The following CACNA2D1 variants were observed in gnomAD, a reference collection of about 807,000 sequenced individuals.
The protein encoded by CACNA2D1 is calcium voltage-gated channel auxiliary subunit alpha2delta 1.
CACNA2D1 carries 53 observed loss-of-function variants against 171.5 expected under a neutral mutation model. The observed-to-expected ratio is 0.31, with a 90% CI of 0.25 to 0.39. The LOEUF is 0.39. Ranked by LOEUF, CACNA2D1 falls within the 10% of genes least tolerant of loss-of-function variation. The probability of loss-of-function intolerance (pLI) is 1.00; values close to 1 mark genes in which losing one functional copy is unlikely to be tolerated. For missense variants in CACNA2D1, 903 were observed against 1,299.8 expected (o/e 0.69, Z 4.69); for synonymous variants, 442 against 443.1 (o/e 1.00, Z 0.03).
In CACNA2D1 at chr7:82,142,977, C is replaced by A. The variant is rs1352112685; in HGVS notation, c.355-6301G>T. ...CTGTTGTACCTGGGATGAGTTCAACCAACAGCACTGTAACACTGTGTGAAT... is the reference window on the plus strand; with the variant it reads ...CTGTTGTACCTGGGATGAGTTCAACAAACAGCACTGTAACACTGTGTGAAT... On this transcript the variant is annotated intron_variant, in intron 4 of 38. Coordinates refer to ENST00000356860, the MANE Select transcript of CACNA2D1 (RefSeq NM_000722.4). 3.9e-5 allele frequency among the ~76,000 whole-genome samples: 6 copies of A among 152,044 alleles called. No homozygotes were observed. The East Asian group carries it at 9.6e-4, about 24-fold the overall frequency.
chr7:82,123,994 A>G (rs1790041007), intron 5 of CACNA2D1, among the ~76,000 whole-genome samples: 1 of 152,092 alleles, frequency 6.6e-6, no homozygotes, highest in Admixed American at 6.6e-5. Flanking sequence ...ATCCAAACGT[A>G]TCACATCAAA....
chr7:82,302,092 A>C lies in CACNA2D1; in HGVS notation c.294+33043T>G. 1.3e-5 allele frequency among the ~76,000 whole-genome samples: 2 copies of C among 152,216 alleles called. 1 individual carries two copies. Among genetic ancestry groups the C allele is most frequent in the Non-Finnish European group, 2.9e-5 (2 of 68,012 alleles). ...ATATTTTATAGACAGAATATATTTAAATTTTCTTTCCTAAATAATGTTCCA... is the reference window on the plus strand; with the variant it reads ...ATATTTTATAGACAGAATATATTTACATTTTCTTTCCTAAATAATGTTCCA... On this transcript the variant is annotated intron_variant, in intron 3 of 38. Transcript: ENST00000356860.
At chr7:82,376,053 T>C (rs1189370611) in intron 1 of CACNA2D1, among the ~76,000 whole-genome samples, 5 of 152,198 alleles carry the variant, frequency 3.3e-5, no homozygotes, top group African/African-American at 4.8e-5. Flanking sequence ...ATGAGAAGTC[T>C]GTGCTTCTTT....
chr7:82,017,537 T>C (rs1800650970), intron 12 of CACNA2D1, among the ~76,000 whole-genome samples: 1 of 152,124 alleles, frequency 6.6e-6, no homozygotes. Context: ...ACTGCCACCA[T>C]GTGGAATAGT....
At chr7:82,051,693 C>A (rs1002287287) in intron 10 of CACNA2D1, among the ~76,000 whole-genome samples, 2 of 152,154 alleles carry the variant, frequency 1.3e-5, no homozygotes, top group Admixed American at 1.3e-4. Flanking sequence ...CATCATCCTC[C>A]ACTGGCTTGC....
intron 3 of CACNA2D1, among the ~76,000 whole-genome samples, chr7:82,326,465 C>T (rs1816660243): frequency 6.6e-6 from 1 of 152,160 alleles, no homozygotes; most frequent in Admixed American, 6.5e-5. Flanking sequence ...CTTTCATTCT[C>T]CCATGTGCAC....
At chr7:82,057,662 G>A (rs922664139) in intron 10 of CACNA2D1, among the ~76,000 whole-genome samples, 8 of 152,068 alleles carry the variant, frequency 5.3e-5, no homozygotes, top group Admixed American at 2.6e-4. Context: ...GGGAACTTGG[G>A]ATTCGTTCAA....
At chr7:81,992,478 G>A (rs779351652) in intron 20 of CACNA2D1, among the ~76,000 whole-genome samples, 105 of 152,094 alleles carry the variant, frequency 6.9e-4, no homozygotes, top group Non-Finnish European at 8.4e-4. Context: ...ACAGGGTTGT[G>A]AAGAGGGCTT....
chr7:82,124,831 C>T lies in CACNA2D1; in HGVS notation c.397-7658G>A, dbSNP rs145327417. On this transcript the variant is annotated intron_variant, in intron 5 of 38. Transcript: ENST00000356860. ...TCTGATTCTTTCTTCAATAATTAGA[C>T]TTCATCAATGTTTGATACCTAAAAG... 3.3e-3 allele frequency among the ~76,000 whole-genome samples: 503 copies of T among 152,178 alleles called. 6 individuals are homozygous for T. Among genetic ancestry groups the T allele is most frequent in the South Asian group, 0.028 (137 of 4,826 alleles).
Position 81,950,264 on chromosome 7 carries a change from T to A in CACNA2D1, c.*128A>T. On this transcript the variant is annotated 3_prime_UTR_variant, in exon 39 of 39. Transcript: ENST00000356860. ...CTTAGGAGTCTGCGCCTTAGTGTTA[T>A]GCCATGGAACAGGCCCAGCTAATGT... The A allele has an allele frequency of 6.4e-7, 1 of 1,567,764 alleles. No homozygotes were observed. The highest frequency in any genetic ancestry group is 8.7e-7 in the Non-Finnish European group (1 of 1,146,974).
intron 3 of CACNA2D1, among the ~76,000 whole-genome samples, chr7:82,173,863 G>C (rs781244761): frequency 6.6e-6 from 1 of 151,486 alleles, no homozygotes; most frequent in Non-Finnish European, 1.5e-5. Context: ...GGGCAGCATA[G>C]TGAGATCCTG....
intron 1 of CACNA2D1, among the ~76,000 whole-genome samples, chr7:82,384,672 A>G (rs1042616972): frequency 1.3e-5 from 2 of 152,204 alleles, no homozygotes; most frequent in African/African-American, 4.8e-5. Context: ...TTTGTCTGGA[A>G]AGAACTTGTT....
intron 4 of CACNA2D1, among the ~76,000 whole-genome samples, chr7:82,139,233 A>C (rs1792068533): frequency 6.6e-6 from 1 of 152,146 alleles, no homozygotes; most frequent in Non-Finnish European, 1.5e-5. Context: ...TGATTAGTCA[A>C]TGTATTTCCT....
chr7:82,091,422 G>T (rs1412555009), intron 6 of CACNA2D1, among the ~76,000 whole-genome samples: 1 of 152,148 alleles, frequency 6.6e-6, no homozygotes, highest in African/African-American at 2.4e-5. Flanking sequence ...TTCTGGCCTT[G>T]CCCCCTATCA....
chr7:82,090,831 CT>C (rs1346451232), intron 6 of CACNA2D1, among the ~76,000 whole-genome samples: 3 of 152,060 alleles, frequency 2.0e-5, no homozygotes, highest in Admixed American at 6.6e-5. Context: ...AGATTCAACA[CT>C]TATTGTAAGT....
intron 3 of CACNA2D1, among the ~76,000 whole-genome samples, chr7:82,247,370 G>A (rs896370843): frequency 6.6e-6 from 1 of 151,840 alleles, no homozygotes; most frequent in African/African-American, 2.4e-5. Flanking sequence ...ATTAGCCAGG[G>A]GTGGTGATGT....
At chr7:82,300,755 T>G (rs143270816) in intron 3 of CACNA2D1, among the ~76,000 whole-genome samples, 1 of 152,084 alleles carries the variant, frequency 6.6e-6, no homozygotes, top group Admixed American at 6.5e-5. Flanking sequence ...CAAATCTGTC[T>G]TCTATAATAA....
At chr7:82,372,241 T>C (rs1822495592) in intron 1 of CACNA2D1, among the ~76,000 whole-genome samples, 1 of 152,170 alleles carries the variant, frequency 6.6e-6, no homozygotes, top group African/African-American at 2.4e-5. Flanking sequence ...TATTTTTGTA[T>C]GATACAAAAA....
intron 22 of CACNA2D1, among the ~76,000 whole-genome samples, 155 bp from the exon 23 acceptor site, chr7:81,983,489 A>G (rs373281497): frequency 4.3e-4 from 65 of 152,122 alleles, no homozygotes; most frequent in African/African-American, 1.4e-3. Context: ...TAGTCTGAGG[A>G]AAAAAAAGAC....
Sources: allele counts gnomAD v4.1 joint callset (sites outside exome capture counted in the v4.1 genomes callset), GRCh38; gene constraint gnomAD v4.1.1; transcripts MANE v1.5; gene names NCBI Gene and HGNC (gene_info 2026-07-23, HGNC 2026-07-21).